GYG1: variants seen among roughly 807,000 people sequenced by gnomAD.
The protein encoded by GYG1 is glycogenin-1.
A neutral mutation model predicts 41.9 loss-of-function variants in GYG1; 44 were observed. The ratio of observed to expected loss-of-function variants is 1.05; its 90% CI spans 0.83 to 1.35. The LOEUF is 1.35. Among genes scored for constraint, GYG1 ranks in the 40% most tolerant of loss-of-function variants. The pLI is 0.00. For synonymous variants in GYG1, 141 were observed against 158.1 expected, an observed-to-expected ratio of 0.89 and a Z score of 0.81; for missense variants, 429 against 418.9, an observed-to-expected ratio of 1.02 and a Z score of -0.21.
intron 2 of GYG1, 71 bp from the exon 3 acceptor site, chr3:148,996,231 A>C (rs1279175924): frequency 9.8e-7 from 1 of 1,015,918 alleles, no homozygotes; most frequent in Non-Finnish European, 1.6e-6. Context: ...ATAAAGCATC[A>C]GTCTTACAGC....
In GYG1 at chr3:149,026,752, C is replaced by G; in HGVS notation, c.880-8C>G. On this transcript the variant is annotated splice_region_variant and splice_polypyrimidine_tract_variant and intron_variant, in intron 7 of 7. Coordinates refer to ENST00000345003, the MANE Select transcript of GYG1 (RefSeq NM_004130.4). ...CTCTCATAGAGTCAATTATGCTTTC[C>G]TTTCTAGGAAGATGTCTCAGGAGCC... is the stretch of plus-strand genomic sequence containing the variant. 1 of 1,582,788 alleles carries G rather than the reference C, an allele frequency of 6.3e-7. No individual in the cohort carries two copies. The highest frequency in any genetic ancestry group is 1.7e-5 in the Admixed American group (1 of 59,976).
At chr3:148,997,550 A>G (rs897421370) in intron 4 of GYG1, among the ~76,000 whole-genome samples, 2 of 152,232 alleles carry the variant, frequency 1.3e-5, no homozygotes, top group Non-Finnish European at 2.9e-5. Flanking sequence ...AGGGCCTCAC[A>G]TCTTTTGGAG....
chr3:149,020,640 A>T (rs1714320508), intron 5 of GYG1, among the ~76,000 whole-genome samples: 1 of 152,278 alleles, frequency 6.6e-6, no homozygotes. Flanking sequence ...CTTAGTCATT[A>T]GTAAACTGTC....
At chr3:149,011,886 C>G (rs1713752357) in intron 5 of GYG1, among the ~76,000 whole-genome samples, 1 of 152,168 alleles carries the variant, frequency 6.6e-6, no homozygotes, top group African/African-American at 2.4e-5. Context: ...GGCCCAGGGC[C>G]GGCTGGAGAT....
At chr3:149,021,123 A>C (rs527438509) in intron 5 of GYG1, among the ~76,000 whole-genome samples, 2 of 152,266 alleles carry the variant, frequency 1.3e-5, no homozygotes, top group Non-Finnish European at 2.9e-5. Flanking sequence ...ACCTGCATTC[A>C]TTACTTTGGA....
At chr3:149,018,226 C>A (rs1714179566) in intron 5 of GYG1, among the ~76,000 whole-genome samples, 1 of 152,128 alleles carries the variant, frequency 6.6e-6, no homozygotes, top group South Asian at 2.1e-4. Context: ...AAATTAATAT[C>A]TAGATTGAAA....
rs759143303 is a variant in GYG1 at position 148,996,451 on chromosome 3, G to A, written c.293G>A (p.Cys98Tyr). 6.2e-7 allele frequency: 1 copy of A among 1,614,068 alleles called. No individual in the cohort carries two copies. The highest frequency in any genetic ancestry group is 2.2e-5 in the East Asian group (1 of 44,892). ...HCWSLTQYSK[C>Y]VFMDADTLVL... ...TGGTCGCTTACACAGTATTCAAAAT[G>A]TGTATTCATGGATGCAGATACTCTG... is the stretch of plus-strand genomic sequence containing the variant. Residue 98 changes from cysteine to tyrosine, a missense_variant, in exon 3 of 8, where the codon TGT becomes TAT. Coordinates refer to ENST00000345003, the MANE Select transcript of GYG1 (RefSeq NM_004130.4).
chr3:149,013,205 G>T (rs1359504825), intron 5 of GYG1, among the ~76,000 whole-genome samples: 1 of 152,072 alleles, frequency 6.6e-6, no homozygotes, highest in Non-Finnish European at 1.5e-5. Flanking sequence ...TAATGTTTGG[G>T]ATATATAGTT....
chr3:149,002,421 G>A (rs1237430260), intron 4 of GYG1, among the ~76,000 whole-genome samples: 1 of 152,170 alleles, frequency 6.6e-6, no homozygotes, highest in African/African-American at 2.4e-5. Context: ...ATAATTAATA[G>A]CTTGATACTT....
rs1431227071 is a variant in GYG1, at chr3:149,026,800, A to G, written c.920A>G (p.Glu307Gly). The change falls in exon 8 of 8, where the codon GAG becomes GGG. Residue 307 changes from glutamate (E) to glycine (G), a missense_variant. Glu to Gly is a moderately conservative substitution (Grantham distance 98). Transcript: ENST00000345003. ...SGAISHLSLG[E>G]IPAMAQPFVS... ...GCCATATCACATCTGTCCCTTGGGG[A>G]GATCCCAGCTATGGCACAGCCGTTT... is the stretch of plus-strand genomic sequence containing the variant. 1 of 1,613,668 alleles carries G rather than the reference A, an allele frequency of 6.2e-7. No homozygotes were observed. Among genetic ancestry groups the G allele is most frequent in the Non-Finnish European group, 8.5e-7 (1 of 1,179,708 alleles).
rs1576556746 is a variant in GYG1 at position 149,026,443 on chromosome 3, T to G, written c.829-9T>G. On this transcript the variant is annotated splice_polypyrimidine_tract_variant and intron_variant, in intron 6 of 7. Transcript: ENST00000345003. ...ATCCATCTTACACTTTCTAATGAAC[T>G]GTTTGCAGCTTTCAGACTTGGTCTA... 6.3e-7 allele frequency: 1 copy of G among 1,575,314 alleles called. No individual in the cohort carries two copies. Among genetic ancestry groups the G allele is most frequent in the East Asian group, 2.2e-5 (1 of 44,682 alleles).
intron 4 of GYG1, among the ~76,000 whole-genome samples, chr3:149,003,496 A>G (rs1233328147): frequency 6.6e-6 from 1 of 152,170 alleles, no homozygotes. Flanking sequence ...GAATCTTCCT[A>G]TTATGTGAAT....
intron 6 of GYG1, among the ~76,000 whole-genome samples, chr3:149,024,775 A>G (rs560960933): frequency 6.6e-6 from 1 of 152,342 alleles, no homozygotes; most frequent in South Asian, 2.1e-4. Context: ...GGATCTTGAA[A>G]AAGAAATATC....
intron 5 of GYG1, among the ~76,000 whole-genome samples, chr3:149,017,721 A>G (rs944867031): frequency 1.2e-4 from 17 of 146,984 alleles, no homozygotes; most frequent in Non-Finnish European, 2.4e-4. Context: ...CTCCTGCATC[A>G]GCCTCCCAAG....
chr3:149,004,816 C>T (rs1713301345), intron 4 of GYG1, among the ~76,000 whole-genome samples: 1 of 152,290 alleles, frequency 6.6e-6, no homozygotes, highest in South Asian at 2.1e-4. Flanking sequence ...TGCTTGTTTT[C>T]TGTACACCCC....
intron 5 of GYG1, among the ~76,000 whole-genome samples, chr3:149,011,921 G>T (rs1348907598): frequency 6.6e-6 from 1 of 152,128 alleles, no homozygotes; most frequent in Non-Finnish European, 1.5e-5. Context: ...GCAGCTTGTG[G>T]GGGTCAGCTC....
intron 5 of GYG1, among the ~76,000 whole-genome samples, chr3:149,014,884 A>AT (rs1491539316): frequency 7.0e-6 from 1 of 143,876 alleles, no homozygotes; most frequent in Non-Finnish European, 1.5e-5. Context: ...AAAAAAAAAA[A>AT]GGCATAACTT....
intron 4 of GYG1, among the ~76,000 whole-genome samples, chr3:148,998,486 A>G (rs1194779798): frequency 6.6e-6 from 1 of 152,218 alleles, no homozygotes; most frequent in Non-Finnish European, 1.5e-5. Flanking sequence ...CCAGCATGTC[A>G]GTAGTGCTGA....
intron 5 of GYG1, among the ~76,000 whole-genome samples, chr3:149,020,837 G>T (rs1269346697): frequency 1.3e-5 from 2 of 152,204 alleles, no homozygotes; most frequent in Non-Finnish European, 2.9e-5. Context: ...AGTAGGTGCT[G>T]TGGCTCCAGG....
Sources: gnomAD v4.1 joint callset for allele counts (sites outside exome capture counted in the v4.1 genomes callset) on GRCh38, gnomAD v4.1.1 for gene constraint, MANE v1.5 for transcripts, NCBI Gene and HGNC (gene_info 2026-07-23, HGNC 2026-07-21) for gene names.